The following RABGAP1 variants were observed in gnomAD, a reference collection of about 807,000 sequenced individuals.
RABGAP1 encodes RAB GTPase activating protein 1.
RABGAP1 carries 23 observed loss-of-function variants against 137.6 expected under a neutral mutation model. That is an observed-to-expected ratio of 0.17 (90% confidence interval 0.12 to 0.24). RABGAP1 has a LOEUF of 0.24. Among genes scored for constraint, RABGAP1 ranks in the 10% least tolerant of loss-of-function variants. RABGAP1 has a pLI of 1.00. For synonymous variants in RABGAP1, 451 were observed against 450.7 expected (o/e 1.00, Z -0.01); for missense variants, 906 against 1,275.8 (o/e 0.71, Z 4.42).
chr9:122,990,786 AAAAAAAAAAAATATATATATATATATAT>A (rs1289657264), intron 6 of RABGAP1: 20 of 80,696 alleles, frequency 2.5e-4, no homozygotes, highest in Admixed American at 9.4e-4. Context: ...AAAAAAAAAA[AAAAAAAAAAAATATATATATATATATAT>A]ATATATATAT....
intron 19 of RABGAP1, among the ~76,000 whole-genome samples, chr9:123,084,442 C>G (rs2034807259): frequency 6.6e-6 from 1 of 152,196 alleles, no homozygotes; most frequent in South Asian, 2.1e-4. Flanking sequence ...CAACAACATG[C>G]TTCTCTCTCG....
At chr9:123,096,478 AAG>A (rs1262013421) in intron 21 of RABGAP1, among the ~76,000 whole-genome samples, 4 of 152,254 alleles carry the variant, frequency 2.6e-5, no homozygotes, top group African/African-American at 9.6e-5. Flanking sequence ...CTAATGATAA[AAG>A]AGTCACGCAA....
intron 2 of RABGAP1, among the ~76,000 whole-genome samples, chr9:122,971,029 C>T (rs1211314709): frequency 6.6e-6 from 1 of 152,148 alleles, no homozygotes; most frequent in Non-Finnish European, 1.5e-5. Flanking sequence ...AACCAAAGTG[C>T]TTGGATTTTG....
chr9:123,076,088 T>C (rs1366576060), intron 17 of RABGAP1, among the ~76,000 whole-genome samples, 157 bp from the exon 18 acceptor site: 1 of 152,236 alleles, frequency 6.6e-6, no homozygotes, highest in South Asian at 2.1e-4. Flanking sequence ...AGCTTTTCAA[T>C]GGCCCTTTAG....
intron 13 of RABGAP1, among the ~76,000 whole-genome samples, chr9:123,055,915 G>C (rs183417887): frequency 6.6e-6 from 1 of 151,998 alleles, no homozygotes; most frequent in Non-Finnish European, 1.5e-5. Context: ...TTTGACCATC[G>C]GGAACTCTTT....
At chr9:122,992,081 G>T (rs1449301561) in intron 6 of RABGAP1, among the ~76,000 whole-genome samples, 1 of 151,606 alleles carries the variant, frequency 6.6e-6, no homozygotes, top group Admixed American at 6.6e-5. Context: ...CTGTCACCAA[G>T]GCTGGAATGT....
At position 122,980,391 on chromosome 9, in the gene RABGAP1, C is replaced by CAGGCCACT. The variant is rs1453198620; in HGVS notation, c.151-4093_151-4086dup. Among the ~76,000 whole-genome samples the CAGGCCACT allele has an allele frequency of 2.0e-5, 3 of 152,180 alleles. No homozygotes were observed. The East Asian group carries it at 5.8e-4, about 29-fold the overall frequency. On this transcript the variant is annotated intron_variant, in intron 2 of 25. Coordinates refer to ENST00000373647, the MANE Select transcript of RABGAP1 (RefSeq NM_012197.4). ...TCCTGAGTAGCTGGGACTACAGGCA[C>CAGGCCACT]AGGCCACTGTGCTTGGCTTGGCTTA...
At chr9:123,093,383 G>A (rs897204777) in intron 21 of RABGAP1, among the ~76,000 whole-genome samples, 5 of 152,172 alleles carry the variant, frequency 3.3e-5, no homozygotes, top group African/African-American at 1.2e-4. Context: ...AAAGGATGAG[G>A]GGAAGCTATG....
At chr9:123,056,241 T>C (rs539045904) in intron 13 of RABGAP1, among the ~76,000 whole-genome samples, 1 of 152,352 alleles carries the variant, frequency 6.6e-6, no homozygotes, top group African/African-American at 2.4e-5. Flanking sequence ...CAGCAAATCA[T>C]GTATTGCAGT....
intron 10 of RABGAP1, among the ~76,000 whole-genome samples, chr9:123,006,286 A>G (rs1456773606): frequency 6.6e-6 from 1 of 152,184 alleles, no homozygotes; most frequent in Middle Eastern, 3.2e-3. Flanking sequence ...TACAAAAAGA[A>G]TACACTCTTC....
At chr9:122,935,002 G>A in the RABGAP1 span, among the ~76,000 whole-genome samples, 1 of 152,124 alleles carries the variant, frequency 6.6e-6, no homozygotes, top group Non-Finnish European at 1.5e-5. Context: ...AGTAATTATT[G>A]ATAAGGTGGG....
intron 2 of RABGAP1, among the ~76,000 whole-genome samples, chr9:122,965,423 G>T (rs890006284): frequency 6.6e-6 from 1 of 152,020 alleles, no homozygotes; most frequent in Non-Finnish European, 1.5e-5. Flanking sequence ...GTCTCTTGTC[G>T]CCCAGGCTGG....
chr9:123,055,175 A>G (rs1052366625), intron 13 of RABGAP1, among the ~76,000 whole-genome samples: 2 of 151,674 alleles, frequency 1.3e-5, no homozygotes, highest in Non-Finnish European at 2.9e-5. Flanking sequence ...GTAAGTATGG[A>G]CTCCTGGATA....
At chr9:123,012,875 G>T (rs2030927411) in intron 11 of RABGAP1, among the ~76,000 whole-genome samples, 1 of 152,300 alleles carries the variant, frequency 6.6e-6, no homozygotes, top group Admixed American at 6.5e-5. Context: ...CTAACGCAGT[G>T]TACAAACCAG....
upstream of RABGAP1, among the ~76,000 whole-genome samples, chr9:122,936,606 C>T (rs1042590822): frequency 2.0e-5 from 3 of 152,126 alleles, no homozygotes; most frequent in Non-Finnish European, 2.9e-5. Context: ...GCTGGGTGGG[C>T]GATACGAACT....
rs778790319 is a variant in RABGAP1, at chr9:123,010,336, T to C, written c.1375-18T>C. ...AAGAACTTTACTGCTTAATAAATAA[T>C]ATTTTTTCATCTTCAAGATAAAGCA... On this transcript the variant is annotated intron_variant, in intron 10 of 25. Transcript: ENST00000373647. 77 of 1,579,354 alleles carry C rather than the reference T, an allele frequency of 4.9e-5. No individual in the cohort carries two copies. The highest frequency in any genetic ancestry group is 6.0e-5 in the Non-Finnish European group (69 of 1,157,406).
At chr9:123,065,282 C>CT in intron 13 of RABGAP1, 66 bp from the exon 14 acceptor site, 1 of 1,196,326 alleles carries the variant, frequency 8.4e-7, no homozygotes, top group South Asian at 1.3e-5. Flanking sequence ...AAGACCTTGC[C>CT]TAAACCTGAA....
At chr9:122,945,029 A>G (rs1324312646) in intron 1 of RABGAP1, among the ~76,000 whole-genome samples, 2 of 151,744 alleles carry the variant, frequency 1.3e-5, no homozygotes, top group African/African-American at 4.8e-5. Flanking sequence ...CTTTGTATGT[A>G]GTTACCTTGT....
At chr9:122,941,848 GCTC>G in intron 1 of RABGAP1, among the ~76,000 whole-genome samples, 1 of 152,356 alleles carries the variant, frequency 6.6e-6, no homozygotes, top group South Asian at 2.1e-4. Context: ...TTTATCATCT[GCTC>G]CTGCGTTTCA....
Sources: allele counts gnomAD v4.1 joint callset (sites outside exome capture counted in the v4.1 genomes callset), GRCh38; gene constraint gnomAD v4.1.1; transcripts MANE v1.5; gene names NCBI Gene and HGNC (gene_info 2026-07-23, HGNC 2026-07-21).